GRID2: variants seen among roughly 807,000 people sequenced by gnomAD.
GRID2 encodes the protein glutamate ionotropic receptor delta type subunit 2.
A neutral mutation model predicts 114.8 loss-of-function variants in GRID2; 33 were observed. The ratio of observed to expected loss-of-function variants is 0.29; its 90% CI spans 0.22 to 0.38. The LOEUF (loss-of-function observed/expected upper bound fraction) is 0.38. Among genes scored for constraint, GRID2 ranks in the 10% least tolerant of loss-of-function variants. The pLI is 1.00. For synonymous variants in GRID2, 505 were observed against 449.9 expected (o/e 1.12, Z -1.55); for missense variants, 1,184 against 1,257.7 (o/e 0.94, Z 0.89).
At chr4:93,333,883 G>A (rs919924849) in intron 8 of GRID2, among the ~76,000 whole-genome samples, 4 of 151,824 alleles carry the variant, frequency 2.6e-5, no homozygotes, top group Non-Finnish European at 5.9e-5. Context: ...AAAAAAAAAT[G>A]TTATTCACTG....
chr4:93,463,911 C>T (rs1560646865), intron 11 of GRID2, among the ~76,000 whole-genome samples: 1 of 152,040 alleles, frequency 6.6e-6, no homozygotes, highest in Non-Finnish European at 1.5e-5. Flanking sequence ...ATGGCGTGAA[C>T]CTGGGAGGTG....
chr4:92,434,988 T>C (rs574474184), intron 1 of GRID2, among the ~76,000 whole-genome samples: 1 of 152,330 alleles, frequency 6.6e-6, no homozygotes. Flanking sequence ...ACTTTTATAC[T>C]ATGAAGGCTA....
chr4:92,919,065 C>T (rs911544752), intron 2 of GRID2, among the ~76,000 whole-genome samples: 3 of 152,112 alleles, frequency 2.0e-5, no homozygotes, highest in African/African-American at 7.2e-5. Context: ...CAACTTCTTC[C>T]TGGTTTAGTC....
At chr4:93,283,402 G>C (rs747778588) in intron 8 of GRID2, among the ~76,000 whole-genome samples, 3 of 151,910 alleles carry the variant, frequency 2.0e-5, no homozygotes, top group Non-Finnish European at 2.9e-5. Context: ...AATTCTTTCC[G>C]TCTCTGCTCA....
chr4:93,032,576 T>G (rs1361101564), intron 2 of GRID2, among the ~76,000 whole-genome samples: 2 of 152,170 alleles, frequency 1.3e-5, no homozygotes, highest in Non-Finnish European at 2.9e-5. Context: ...AAAGTATTTA[T>G]TGATGTTTTC....
intron 2 of GRID2, among the ~76,000 whole-genome samples, chr4:92,634,124 A>C (rs1730946818): frequency 6.6e-6 from 1 of 151,144 alleles, no homozygotes; most frequent in African/African-American, 2.4e-5. Flanking sequence ...CAAAAAAAAA[A>C]ACAACAAAAA....
At chr4:93,247,972 A>C (rs1027166822) in intron 8 of GRID2, among the ~76,000 whole-genome samples, 5 of 151,900 alleles carry the variant, frequency 3.3e-5, no homozygotes, top group Non-Finnish European at 7.4e-5. Flanking sequence ...TTGGGTTAGG[A>C]GTTCAAGACT....
intron 8 of GRID2, among the ~76,000 whole-genome samples, chr4:93,272,784 G>A (rs958763558): frequency 6.6e-6 from 1 of 152,138 alleles, no homozygotes; most frequent in Non-Finnish European, 1.5e-5. Context: ...GGTGGCAGTC[G>A]ACATGCAAAG....
intron 8 of GRID2, among the ~76,000 whole-genome samples, chr4:93,367,350 C>T (rs575358827): frequency 1.3e-5 from 2 of 151,910 alleles, no homozygotes; most frequent in Admixed American, 6.6e-5. Context: ...TTGCCTCTCT[C>T]CTTGGCTTAA....
rs985950586 is a variant in GRID2 at position 92,304,255 on chromosome 4, C to A, written c.-402C>A. The A allele has an allele frequency of 4.5e-6, 1 of 224,396 alleles. No individual in the cohort carries two copies. Among genetic ancestry groups the A allele is most frequent in the Non-Finnish European group, 8.8e-6 (1 of 114,052 alleles). The allele number at this position is 224,396 out of a possible 1,614,324, so 13.9% of individuals were successfully genotyped here. ...GAGGGTGCGGGGAAGGGGGCACATC[C>A]GGCGTGAGGGGGGTGTTGGAAGTTG... On this transcript the variant is annotated 5_prime_UTR_variant, in exon 1 of 16. Transcript: ENST00000282020.
chr4:92,670,385 A>T (rs1309027970), intron 2 of GRID2, among the ~76,000 whole-genome samples: 1 of 151,936 alleles, frequency 6.6e-6, no homozygotes, highest in Non-Finnish European at 1.5e-5. Context: ...ACTTTTTTTT[A>T]AACTGATTTA....
At chr4:92,635,484 C>T (rs1227529461) in intron 2 of GRID2, among the ~76,000 whole-genome samples, 3 of 151,690 alleles carry the variant, frequency 2.0e-5, no homozygotes, top group African/African-American at 7.3e-5. Context: ...AGGTGTTATT[C>T]GGAAAGTTTT....
At chr4:92,804,490 A>AG (rs1323703757) in intron 2 of GRID2, among the ~76,000 whole-genome samples, 6 of 152,004 alleles carry the variant, frequency 3.9e-5, no homozygotes, top group African/African-American at 1.4e-4. Context: ...TTATAAGTAA[A>AG]AAAAATGGTT....
chr4:93,020,429 A>G (rs897126147), intron 2 of GRID2, among the ~76,000 whole-genome samples: 4 of 152,208 alleles, frequency 2.6e-5, no homozygotes, highest in Non-Finnish European at 5.9e-5. Context: ...ACATGATTGT[A>G]TCACTAGATT....
At chr4:92,786,427 AG>A (rs2149361625) in intron 2 of GRID2, among the ~76,000 whole-genome samples, 1 of 151,998 alleles carries the variant, frequency 6.6e-6, no homozygotes, top group South Asian at 2.1e-4. Flanking sequence ...CACTATCTTA[AG>A]GCTTTTTTAA....
At chr4:93,367,926 T>C (rs553752069) in intron 8 of GRID2, among the ~76,000 whole-genome samples, 33 of 152,182 alleles carry the variant, frequency 2.2e-4, no homozygotes, top group African/African-American at 7.9e-4. Flanking sequence ...GAGCAGAAAA[T>C]TTATCAGGAG....
chr4:93,311,101 T>C (rs1263084977), intron 8 of GRID2, among the ~76,000 whole-genome samples: 1 of 152,162 alleles, frequency 6.6e-6, no homozygotes, highest in East Asian at 1.9e-4. Flanking sequence ...TGCCAAGGGA[T>C]GGAACTGAAT....
At chr4:93,146,378 A>G (rs1208682913) in intron 4 of GRID2, among the ~76,000 whole-genome samples, 1 of 152,196 alleles carries the variant, frequency 6.6e-6, no homozygotes, top group East Asian at 1.9e-4. Context: ...AATTGAGTCA[A>G]TGATGAAAGC....
At chr4:92,954,946 C>A (rs1234808500) in intron 2 of GRID2, among the ~76,000 whole-genome samples, 1 of 126,444 alleles carries the variant, frequency 7.9e-6, no homozygotes, top group Non-Finnish European at 1.6e-5. Flanking sequence ...GAGATGAACT[C>A]ATCATTTTTT....
Sources: allele counts gnomAD v4.1 joint callset (sites outside exome capture counted in the v4.1 genomes callset), GRCh38; gene constraint gnomAD v4.1.1; transcripts MANE v1.5; gene names NCBI Gene and HGNC (gene_info 2026-07-23, HGNC 2026-07-21).